The following MED27 variants were observed in gnomAD, a reference collection of about 807,000 sequenced individuals.
MED27 encodes mediator complex subunit 27.
In MED27, 30 loss-of-function variants were observed where a neutral mutation model predicts 38.2. The ratio of observed to expected loss-of-function variants is 0.79; its 90% confidence interval spans 0.59 to 1.07. MED27 has a LOEUF of 1.07. MED27 is among the 50% of genes least tolerant of loss of function. The pLI, the probability that MED27 is intolerant of heterozygous loss-of-function variation, is 0.00. For synonymous variants in MED27, 122 were observed against 153.5 expected (o/e 0.79, Z 1.52); for missense variants, 289 against 397.5 (o/e 0.73, Z 2.32).
At chr9:131,902,269 C>T (rs1829962663) in intron 4 of MED27, among the ~76,000 whole-genome samples, 1 of 152,138 alleles carries the variant, frequency 6.6e-6, no homozygotes, top group Admixed American at 6.5e-5. Context: ...ATGTGTAGCC[C>T]TGACAGAGTC....
At chr9:132,026,747 A>G (rs893341229) in intron 2 of MED27, among the ~76,000 whole-genome samples, 3 of 152,168 alleles carry the variant, frequency 2.0e-5, no homozygotes, top group Non-Finnish European at 4.4e-5. Context: ...CTACATCCCC[A>G]GTGTCCAGAA....
chr9:131,981,684 G>C lies in MED27; in HGVS notation c.479+32653C>G, dbSNP rs1831740097. Among the ~76,000 whole-genome samples, 4 of 152,222 alleles carry C rather than the reference G, an allele frequency of 2.6e-5. No individual in the cohort carries two copies. In the South Asian group the frequency reaches 8.3e-4, roughly 32 times the overall value. On this transcript the variant is annotated intron_variant, in intron 3 of 7. Coordinates refer to ENST00000292035, the MANE Select transcript of MED27 (RefSeq NM_004269.4). ...AACTTACCACGTCAACACAATTGCA[G>C]AGCAAAGCCAGGAGATGGGGCAGGA...
intron 3 of MED27, among the ~76,000 whole-genome samples, chr9:131,969,407 A>T (rs900420425): frequency 3.9e-5 from 6 of 152,192 alleles, no homozygotes; most frequent in Non-Finnish European, 8.8e-5. Context: ...TTACTATTTT[A>T]AACATCTTCA....
intron 4 of MED27, among the ~76,000 whole-genome samples, chr9:131,912,050 T>C (rs1830199086): frequency 6.6e-6 from 1 of 152,196 alleles, no homozygotes; most frequent in Admixed American, 6.5e-5. Flanking sequence ...GCAAGGGGGC[T>C]AAGCCTACCA....
chr9:131,915,801 G>A (rs551063054), intron 4 of MED27, among the ~76,000 whole-genome samples: 11 of 152,278 alleles, frequency 7.2e-5, no homozygotes, highest in African/African-American at 2.4e-4. Context: ...AGTAGCAAAT[G>A]ACGGCACAGA....
rs943928349 is a variant in MED27, at chr9:132,038,977, A to G, written c.349-24510T>C. ...GCAGAGCGGAGAAGCCAGCCAGTCC[A>G]TGGCAGGGCTACGACAAGAACATGG... On this transcript the variant is annotated intron_variant, in intron 2 of 7. Transcript: ENST00000292035. 1.4e-4 allele frequency among the ~76,000 whole-genome samples: 21 copies of G among 152,222 alleles called. 1 individual carries two copies. Among genetic ancestry groups the G allele is most frequent in the Non-Finnish European group, 2.8e-4 (19 of 68,038 alleles).
chr9:131,959,603 C>T (rs1283032497), intron 3 of MED27, among the ~76,000 whole-genome samples: 1 of 152,222 alleles, frequency 6.6e-6, no homozygotes, highest in Non-Finnish European at 1.5e-5. Flanking sequence ...AAGGGTCCTT[C>T]CAGCTCTAGT....
intron 4 of MED27, among the ~76,000 whole-genome samples, chr9:131,911,072 GA>G (rs1830179323): frequency 6.6e-6 from 1 of 152,078 alleles, no homozygotes; most frequent in Non-Finnish European, 1.5e-5. Context: ...CTTTACAAGA[GA>G]TTTTTTTTTC....
chr9:131,862,712 G>A lies in MED27; in HGVS notation c.801+351C>T, dbSNP rs567276410. Among the ~76,000 whole-genome samples, 21 of 152,284 alleles carry A rather than the reference G, an allele frequency of 1.4e-4. No homozygotes were observed. Among genetic ancestry groups the A allele is most frequent in the South Asian group, 6.2e-4 (3 of 4,820 alleles). ...GAGGAAACGTCTTGGGAAACTGCAC[G>A]ATCTGTTAATTCACTGCTACATGCT... On this transcript the variant is annotated intron_variant, in intron 7 of 7. Transcript: ENST00000292035. The surrounding 1 kb of genome is among the most constrained non-coding windows in gnomAD (Gnocchi z 4.6).
chr9:131,996,629 A>G (rs1002030789), intron 3 of MED27, among the ~76,000 whole-genome samples: 4 of 152,222 alleles, frequency 2.6e-5, no homozygotes, highest in Admixed American at 2.0e-4. Flanking sequence ...GCAGTGATAC[A>G]TAAGTGTCTG....
At chr9:131,905,659 T>C (rs867527508) in intron 4 of MED27, among the ~76,000 whole-genome samples, 2 of 128,802 alleles carry the variant, frequency 1.6e-5, no homozygotes, top group African/African-American at 6.1e-5. Context: ...GATCAAGCCA[T>C]TGCTCTCTAG....
At chr9:131,971,962 G>A (rs1831487940) in intron 3 of MED27, among the ~76,000 whole-genome samples, 1 of 152,116 alleles carries the variant, frequency 6.6e-6, no homozygotes, top group Non-Finnish European at 1.5e-5. Context: ...ACAGTGATAA[G>A]CTTGCAGACT....
chr9:131,942,542 T>C (rs995499306), intron 3 of MED27, among the ~76,000 whole-genome samples: 3 of 152,228 alleles, frequency 2.0e-5, no homozygotes, highest in Non-Finnish European at 2.9e-5. Context: ...GGCGATGTCT[T>C]CTGAACATTG....
chr9:132,018,527 T>C (rs1182925583), intron 2 of MED27, among the ~76,000 whole-genome samples: 3 of 152,186 alleles, frequency 2.0e-5, no homozygotes, highest in South Asian at 2.1e-4. Context: ...AAAATATTCA[T>C]AGGTTAATGT....
chr9:131,871,828 C>T (rs1338215316), intron 6 of MED27, among the ~76,000 whole-genome samples: 2 of 152,168 alleles, frequency 1.3e-5, no homozygotes, highest in African/African-American at 4.8e-5. Context: ...ATGGGCCAAC[C>T]TTGCACCTCT....
In MED27 at chr9:131,958,896, C is replaced by T. The variant is rs371663768; in HGVS notation, c.480-19422G>A. 2.5e-4 allele frequency among the ~76,000 whole-genome samples: 38 copies of T among 152,340 alleles called. No individual in the cohort carries two copies. The East Asian group carries it at 5.4e-3, about 22-fold the overall frequency. On this transcript the variant is annotated intron_variant, in intron 3 of 7. Coordinates refer to ENST00000292035, the MANE Select transcript of MED27 (RefSeq NM_004269.4). Reference sequence around the variant, plus strand: ...GGAGACGCAGACTCCACGTGCTGAGCAGAATTTCAGCAGGACAACCTCATC... The same window carrying T: ...GGAGACGCAGACTCCACGTGCTGAGTAGAATTTCAGCAGGACAACCTCATC...
chr9:132,076,062 A>G (rs1321517373), intron 2 of MED27, among the ~76,000 whole-genome samples: 1 of 152,148 alleles, frequency 6.6e-6, no homozygotes, highest in Non-Finnish European at 1.5e-5. Context: ...GTCACCAGGT[A>G]TAAGAACTAT....
At chr9:132,001,812 G>A (rs1187102365) in intron 3 of MED27, among the ~76,000 whole-genome samples, 1 of 152,186 alleles carries the variant, frequency 6.6e-6, no homozygotes, top group Non-Finnish European at 1.5e-5. Flanking sequence ...TCTTGGCCCA[G>A]AGCCTCCATC....
rs1832292939 is a variant in MED27 at position 132,003,762 on chromosome 9, A to G, written c.479+10575T>C. Among the ~76,000 whole-genome samples, 2 of 152,290 alleles carry G rather than the reference A, an allele frequency of 1.3e-5. No homozygotes were observed. Among genetic ancestry groups the G allele is most frequent in the South Asian group, 4.2e-4 (2 of 4,818 alleles). Reference sequence around the variant, plus strand: ...ACCCCACCACCCAGTACTTTTGGGAAGGGGGGATTGGAGTATTTTAAAGTG... The same window carrying G: ...ACCCCACCACCCAGTACTTTTGGGAGGGGGGGATTGGAGTATTTTAAAGTG... On this transcript the variant is annotated intron_variant, in intron 3 of 7. Coordinates refer to ENST00000292035, the MANE Select transcript of MED27 (RefSeq NM_004269.4). The surrounding 1 kb of genome is among the most constrained non-coding windows in gnomAD (Gnocchi z 4.2).
Sources: allele counts gnomAD v4.1 joint callset (sites outside exome capture counted in the v4.1 genomes callset), GRCh38; gene constraint gnomAD v4.1.1; non-coding constraint Gnocchi (gnomAD v3.1); transcripts MANE v1.5; gene names NCBI Gene and HGNC (gene_info 2026-07-23, HGNC 2026-07-21).